ZGRF1: variants seen among roughly 807,000 people sequenced by gnomAD.
ZGRF1 encodes the protein 5'-3' DNA helicase ZGRF1.
Under a neutral mutation model 203.5 loss-of-function variants are expected in ZGRF1, and 196 were observed. That is an observed-to-expected ratio of 0.96 (90% CI 0.86 to 1.08). The LOEUF (loss-of-function observed/expected upper bound fraction) is 1.08. Ranked by LOEUF, ZGRF1 falls within the 50% of genes least tolerant of loss-of-function variation. The pLI is 0.00. For missense variants in ZGRF1, 2,326 were observed against 2,416.3 expected (o/e 0.96, Z 0.78); for synonymous variants, 809 against 841.3 (o/e 0.96, Z 0.66).
rs1253849994 is a variant in ZGRF1 at position 112,578,728 on chromosome 4, T to C, written c.4438+2935A>G. Among the ~76,000 whole-genome samples the C allele has an allele frequency of 5.7e-5, 7 of 122,248 alleles. 2 individuals carry two copies. The highest frequency in any genetic ancestry group is 6.2e-4 in the South Asian group (2 of 3,220). The allele number at this position is 122,248 out of a possible 152,430, so 80.2% of individuals were successfully genotyped here. ...CTCCCAAGACTAAACCAGGAAGAAG[T>C]TGAATCTCTGAATAGACCAATAACA... On this transcript the variant is annotated intron_variant, in intron 16 of 27. Transcript: ENST00000505019.
At chr4:112,540,537 T>G (rs1265890602) in intron 26 of ZGRF1, among the ~76,000 whole-genome samples, 1 of 152,214 alleles carries the variant, frequency 6.6e-6, no homozygotes, top group Non-Finnish European at 1.5e-5. Context: ...GTCCCATCTG[T>G]CTACAAAGCA....
chr4:112,574,429 A>G (rs954995221), intron 16 of ZGRF1, among the ~76,000 whole-genome samples: 1 of 152,186 alleles, frequency 6.6e-6, no homozygotes, highest in African/African-American at 2.4e-5. Flanking sequence ...GCTCTTTAGG[A>G]ATTCATTTAC....
rs1043539020 is a variant in ZGRF1, at chr4:112,609,057, A to AT, written c.2718+321dup. 3.6e-3 allele frequency among the ~76,000 whole-genome samples: 521 copies of AT among 145,688 alleles called. 1 individual carries two copies. Among genetic ancestry groups the AT allele is most frequent in the Non-Finnish European group, 3.3e-3 (220 of 65,708 alleles). ...CTCTATATACAAATATAATTGGCTA[A>AT]TTTTTTTTTTTTTTGAGACAGAGTC... is the stretch of plus-strand genomic sequence containing the variant. On this transcript the variant is annotated intron_variant, in intron 8 of 27. Transcript: ENST00000505019.
chr4:112,565,482 G>A lies in ZGRF1; in HGVS notation c.4439-2208C>T, dbSNP rs943744302. ...CTTCCTGTTATTGGTAGTTCTGAAC[G>A]TTAGGTATTTTTTTTCCATGGGGTC... On this transcript the variant is annotated intron_variant, in intron 16 of 27. Transcript: ENST00000505019. The A allele has an allele frequency of 1.3e-4, 89 of 662,786 alleles. 1 individual carries two copies. The highest frequency in any genetic ancestry group is 1.2e-3 in the South Asian group (63 of 54,010). The allele number at this position is 662,786 out of a possible 1,614,324, so 41.1% of individuals were successfully genotyped here.
At chr4:112,551,766 T>C (rs1003701291) in intron 22 of ZGRF1, among the ~76,000 whole-genome samples, 2 of 152,076 alleles carry the variant, frequency 1.3e-5, no homozygotes, top group African/African-American at 4.8e-5. Context: ...AACTCTAAAG[T>C]TATGTGTCAA....
Position 112,619,524 on chromosome 4 carries a change from A to G in ZGRF1, c.518T>C (p.Leu173Pro), listed in dbSNP as rs2046996202. The stretch of plus-strand genomic sequence containing the variant: ...AGTCACAATGTTCTCAGGGTCTGCC[A>G]GTATATTATTTACATCTTTCTTGCC... ...TVGKKDVNNI[L>P]ADPENIVTYK... The change falls in exon 6 of 28, where the codon CTG (leucine) becomes CCG (proline). Residue 173 changes from leucine (L) to proline (P), a missense_variant. By Grantham distance (98) the Leu-to-Pro change is moderately conservative. Coordinates refer to ENST00000505019, the MANE Select transcript of ZGRF1 (RefSeq NM_018392.5). 1 of 1,614,090 alleles carries G rather than the reference A, an allele frequency of 6.2e-7. No homozygotes were observed. The highest frequency in any genetic ancestry group is 8.5e-7 in the Non-Finnish European group (1 of 1,179,976).
At chr4:112,562,347 AC>A in intron 18 of ZGRF1, 23 bp downstream of exon 18, 1 of 1,243,238 alleles carries the variant, frequency 8.0e-7, no homozygotes, top group Non-Finnish European at 1.2e-6. Flanking sequence ...AATACCAATG[AC>A]TCAAAGGTAA....
At position 112,585,648 on chromosome 4, in the gene ZGRF1, T is replaced by C; in HGVS notation, c.3994A>G (p.Thr1332Ala). Residue 1332 changes from threonine to alanine, a missense_variant, in exon 14 of 28, where the codon ACA becomes GCA. By Grantham distance (58) the Thr-to-Ala change is moderately conservative. Coordinates refer to ENST00000505019, the MANE Select transcript of ZGRF1 (RefSeq NM_018392.5). ...TTCAGTTTCTCTCCCTTCAATGATG[T>C]ATAAAATGATATGTCAACTTTTGAA... is the stretch of plus-strand genomic sequence containing the variant. ...ALSKVDISFY[T>A]SLKGEKLKNA... 6.2e-7 allele frequency: 1 copy of C among 1,610,206 alleles called. No homozygotes were observed. The highest frequency in any genetic ancestry group is 8.5e-7 in the Non-Finnish European group (1 of 1,178,184).
intron 15 of ZGRF1, 59 bp downstream of exon 15, chr4:112,583,919 G>A: frequency 1.9e-6 from 2 of 1,073,872 alleles, no homozygotes; most frequent in African/African-American, 1.6e-5. Flanking sequence ...TGATAGTTCT[G>A]TGAAGGCTGT....
At chr4:112,563,858 G>A (rs1742487076) in intron 16 of ZGRF1, among the ~76,000 whole-genome samples, 1 of 152,234 alleles carries the variant, frequency 6.6e-6, no homozygotes, top group Admixed American at 6.5e-5. Context: ...CTTTGCAGAT[G>A]GTGCAAAGGG....
At position 112,553,881 on chromosome 4, in the gene ZGRF1, CTTT is replaced by C. The variant is rs1388297980; in HGVS notation, c.5297_5299del (p.Lys1766del). 6.2e-7 allele frequency: 1 copy of C among 1,613,544 alleles called. No homozygotes were observed. The highest frequency in any genetic ancestry group is 1.1e-5 in the South Asian group (1 of 90,974). Reference sequence around the variant, plus strand: ...GGTCCCCAGTTTATGCTGCTCAATGCTTTTTCTCACATAGACTCTTTCCGTAGG... The same window carrying C: ...GGTCCCCAGTTTATGCTGCTCAATGCTTCTCACATAGACTCTTTCCGTAGG... On this transcript the variant is annotated inframe_deletion, in exon 22 of 28. Coordinates refer to ENST00000505019, the MANE Select transcript of ZGRF1 (RefSeq NM_018392.5).
intron 16 of ZGRF1, among the ~76,000 whole-genome samples, chr4:112,570,644 A>C (rs767402602): frequency 6.6e-6 from 1 of 152,110 alleles, no homozygotes; most frequent in Non-Finnish European, 1.5e-5. Context: ...AAAAATCATA[A>C]TGTCTACCTA....
chr4:112,581,394 G>A (rs1461009398), intron 16 of ZGRF1, among the ~76,000 whole-genome samples: 8 of 150,266 alleles, frequency 5.3e-5, no homozygotes, highest in Non-Finnish European at 1.0e-4. Context: ...AAACCTACAC[G>A]TTGTGCACAT....
At chr4:112,609,788 G>C (rs1751312909) in intron 7 of ZGRF1, among the ~76,000 whole-genome samples, 1 of 148,326 alleles carries the variant, frequency 6.7e-6, no homozygotes, top group African/African-American at 2.5e-5. Flanking sequence ...ACAAGAGCAA[G>C]ACTCCATCTC....
chr4:112,578,278 A>G lies in ZGRF1; in HGVS notation c.4438+3385T>C, dbSNP rs1346326875. ...CTGGGACACATTCAAAGCAGTGTGTAGTGGGGAATTTATAGCACTAAATGC... is the reference window on the plus strand; with the variant it reads ...CTGGGACACATTCAAAGCAGTGTGTGGTGGGGAATTTATAGCACTAAATGC... On this transcript the variant is annotated intron_variant, in intron 16 of 27. Coordinates refer to ENST00000505019, the MANE Select transcript of ZGRF1 (RefSeq NM_018392.5). 4.9e-5 allele frequency among the ~76,000 whole-genome samples: 6 copies of G among 122,944 alleles called. 2 individuals carry two copies. The highest frequency in any genetic ancestry group is 1.1e-4 in the Non-Finnish European group (6 of 55,026). The allele number at this position is 122,944 out of a possible 152,430, so 80.7% of individuals were successfully genotyped here.
intron 10 of ZGRF1, among the ~76,000 whole-genome samples, chr4:112,601,102 C>CAAAAAAAAAAAA (rs111982841): frequency 8.3e-6 from 1 of 120,518 alleles, no homozygotes; most frequent in Non-Finnish European, 1.8e-5. Context: ...GACTCCATCT[C>CAAAAAAAAAAAA]AAAAAAAAAA....
intron 19 of ZGRF1, among the ~76,000 whole-genome samples, chr4:112,558,642 A>C (rs766324616): frequency 6.6e-6 from 1 of 152,254 alleles, no homozygotes; most frequent in Non-Finnish European, 1.5e-5. Flanking sequence ...TACAGGCGTG[A>C]GCCACTGTGC....
Position 112,560,919 on chromosome 4 carries a change from TACTG to T in ZGRF1, c.4770_4773del (p.Ser1591GlnfsTer8). The T allele has an allele frequency of 6.2e-7, 1 of 1,612,936 alleles. No individual in the cohort carries two copies. The highest frequency in any genetic ancestry group is 1.1e-5 in the South Asian group (1 of 91,038). On this transcript the variant is annotated frameshift_variant, in exon 19 of 28. Coordinates refer to ENST00000505019, the MANE Select transcript of ZGRF1 (RefSeq NM_018392.5). LOFTEE classifies it high-confidence loss of function. The stretch of plus-strand genomic sequence containing the variant: ...CCTAGGCTGAGTAGTTCAAATTTTG[TACTG>T]ACATTTGTGAAGGCTGGTGGGATAA...
rs1409873477 is a variant in ZGRF1 at position 112,558,027 on chromosome 4, AC to A, written c.5120+122del. On this transcript the variant is annotated intron_variant, in intron 20 of 27. Coordinates refer to ENST00000505019, the MANE Select transcript of ZGRF1 (RefSeq NM_018392.5). ...ATAGATGCTGGCTTCTGGGTCAGAG[AC>A]AAAGGTCTTGCATTCTTGGCATAAC... 3.3e-5 allele frequency: 25 copies of A among 763,554 alleles called. No individual in the cohort carries two copies. The Admixed American group carries it at 6.8e-4, about 21-fold the overall frequency. 47.3% of individuals were successfully genotyped at this position (763,554 alleles called of 1,614,324 possible). A position where few individuals can be genotyped will look rare whatever the true frequency, so the allele number is the denominator to read the frequency against.
Sources: gnomAD v4.1 joint callset for allele counts (sites outside exome capture counted in the v4.1 genomes callset) on GRCh38, gnomAD v4.1.1 for gene constraint, MANE v1.5 for transcripts, NCBI Gene and HGNC (gene_info 2026-07-23, HGNC 2026-07-21) for gene names.